TSR1: variants seen among roughly 807,000 people sequenced by gnomAD.
TSR1 encodes the protein TSR1 ribosome maturation factor, also known as pre-rRNA-processing protein TSR1 homolog.
A neutral mutation model predicts 90.9 loss-of-function variants in TSR1; 81 were observed. That is an observed-to-expected ratio of 0.89 (90% CI 0.74 to 1.07). The LOEUF is 1.07. TSR1 is among the 50% of genes least tolerant of loss of function. The probability of loss-of-function intolerance (pLI) is 0.00; values close to 1 mark genes in which losing one functional copy is unlikely to be tolerated. For missense variants in TSR1, 989 were observed against 987.3 expected (o/e 1.00, Z -0.02); for synonymous variants, 362 against 348.8 (o/e 1.04, Z -0.42).
chr17:2,325,452 A>C, intron 11 of TSR1, 32 bp from the exon 12 acceptor site: 1 of 1,564,172 alleles, frequency 6.4e-7, no homozygotes, highest in Non-Finnish European at 8.8e-7. Context: ...GAAAAGCAAA[A>C]CCATTTTGAG....
rs745756874 is a variant in TSR1 at position 2,336,337 on chromosome 17, C to T, written c.91G>A (p.Gly31Ser). The T allele has an allele frequency of 1.2e-6, 2 of 1,614,156 alleles. No homozygotes were observed. Among genetic ancestry groups the T allele is most frequent in the Non-Finnish European group, 1.7e-6 (2 of 1,180,040 alleles). Residue 31 changes from glycine to serine, a missense_variant, in exon 1 of 15, where the codon GGC becomes AGC. Coordinates refer to ENST00000301364, the MANE Select transcript of TSR1 (RefSeq NM_018128.5). ...HRGRGSAQRDGKGRLALKTLS... is the reference protein window; with the variant it reads ...HRGRGSAQRDSKGRLALKTLS... The stretch of plus-strand genomic sequence containing the variant: ...TTCTACGTTATCTCCTTACCCTTGC[C>T]GTCCCGCTGTGCAGATCCCCGACCC...
rs1054799867 is a variant in TSR1 at position 2,322,790 on chromosome 17, A to C, written c.*1406T>G. The C allele has an allele frequency of 1.1e-5, 3 of 282,116 alleles. No homozygotes were observed. Among genetic ancestry groups the C allele is most frequent in the Admixed American group, 4.8e-5 (1 of 20,798 alleles). The allele number at this position is 282,116 out of a possible 1,614,324, so 17.5% of individuals were successfully genotyped here. ...CTCGGCCTCCCAAAGTGCTGGGATT[A>C]CAGGCGTGAGCCACTGCGCCCCACC... On this transcript the variant is annotated 3_prime_UTR_variant, in exon 15 of 15. Transcript: ENST00000301364.
intron 2 of TSR1, 37 bp from the exon 3 acceptor site, chr17:2,335,767 C>CTA: frequency 1.3e-6 from 2 of 1,591,378 alleles, no homozygotes; most frequent in Non-Finnish European, 1.7e-6. Flanking sequence ...ATCTCAGTGT[C>CTA]TCAGTACTTC....
chr17:2,330,008 C>CTA (rs1166203633), intron 10 of TSR1, among the ~76,000 whole-genome samples: 2 of 152,126 alleles, frequency 1.3e-5, no homozygotes, highest in East Asian at 3.9e-4. Context: ...CAACCTCCGC[C>CTA]TACTGGGTTC....
rs1254325721 is a variant in TSR1, at chr17:2,335,927, G to C, written c.201+110C>G. 9.2e-6 allele frequency: 12 copies of C among 1,306,336 alleles called. No homozygotes were observed. The East Asian group carries it at 1.9e-4, about 20-fold the overall frequency. 80.9% of individuals were successfully genotyped at this position (1,306,336 alleles called of 1,614,324 possible). A position where few individuals can be genotyped will look rare whatever the true frequency, so the allele number is the denominator to read the frequency against. On this transcript the variant is annotated intron_variant, in intron 2 of 14. Transcript: ENST00000301364. ...ACCTGCACGCTCGACACGTGCTCTA[G>C]GGCTATGCTCTGTCCCTGGACCCTC...
At chr17:2,335,846 G>A (rs1030346482) in intron 2 of TSR1, 116 bp from the exon 3 acceptor site, 1 of 1,331,876 alleles carries the variant, frequency 7.5e-7, no homozygotes, top group South Asian at 1.3e-5. Flanking sequence ...TCTAGTAAAA[G>A]ACCACAGGTA....
chr17:2,323,858 G>A lies in TSR1; in HGVS notation c.*338C>T, dbSNP rs764369833. On this transcript the variant is annotated 3_prime_UTR_variant, in exon 15 of 15. Coordinates refer to ENST00000301364, the MANE Select transcript of TSR1 (RefSeq NM_018128.5). ...AGGCTGAAAGGCCAGCTTCTTATCA[G>A]TCTGTTTCTGTTTAATTTACAGAAA... is the stretch of plus-strand genomic sequence containing the variant. The A allele has an allele frequency of 6.2e-7, 1 of 1,613,916 alleles. No individual in the cohort carries two copies. Among genetic ancestry groups the A allele is most frequent in the African/African-American group, 1.3e-5 (1 of 74,922 alleles).
intron 7 of TSR1, among the ~76,000 whole-genome samples, chr17:2,332,669 T>C (rs1184079875): frequency 6.6e-6 from 1 of 151,956 alleles, no homozygotes; most frequent in African/African-American, 2.4e-5. Context: ...ACCCCGTCTC[T>C]ACTAAAAATA....
chr17:2,333,347 T>C (rs757688462), intron 6 of TSR1: 49 of 860,670 alleles, frequency 5.7e-5, no homozygotes, highest in Non-Finnish European at 8.7e-5. Flanking sequence ...TATCTGTTCA[T>C]GATAAAACAT....
chr17:2,329,277 C>T (rs2075591922), intron 11 of TSR1, 66 bp downstream of exon 11: 2 of 1,609,010 alleles, frequency 1.2e-6, no homozygotes, highest in African/African-American at 1.3e-5. Context: ...ATTTTGGCAC[C>T]CCTCCACCAC....
At chr17:2,327,810 A>G (rs2075583686) in intron 11 of TSR1, among the ~76,000 whole-genome samples, 1 of 152,230 alleles carries the variant, frequency 6.6e-6, no homozygotes, top group Non-Finnish European at 1.5e-5. Context: ...AAAAAAAATG[A>G]GATCTGGATG....
chr17:2,330,212 C>A (rs1002427752), intron 10 of TSR1: 2 of 515,422 alleles, frequency 3.9e-6, no homozygotes, highest in African/African-American at 1.9e-5. Flanking sequence ...TGAGCCGCCG[C>A]GCCCAGCCAA....
At chr17:2,334,971 C>T in intron 4 of TSR1, 75 bp from the exon 5 acceptor site, 1 of 1,472,606 alleles carries the variant, frequency 6.8e-7, no homozygotes, top group Admixed American at 2.0e-5. Context: ...TCACAAACAA[C>T]CTAATAGCTC....
chr17:2,329,224 G>A, intron 11 of TSR1, 119 bp downstream of exon 11: 4 of 1,478,868 alleles, frequency 2.7e-6, no homozygotes, highest in South Asian at 1.1e-5. Flanking sequence ...CCAGAGTACT[G>A]AAAATACCTC....
In TSR1 at chr17:2,324,345, C is replaced by A; in HGVS notation, c.2266G>T (p.Asp756Tyr). The change falls in exon 15 of 15, where the codon GAT becomes TAT. Residue 756 changes from aspartate (D) to tyrosine (Y), a missense_variant. Coordinates refer to ENST00000301364, the MANE Select transcript of TSR1 (RefSeq NM_018128.5). ...GTGTCTTGAGATTTTAGCTTCCCAT[C>A]AAAGCTGCATTTCATGTGGCCATGG... ...GTHGHMKCSF[D>Y]GKLKSQDTVL... The A allele has an allele frequency of 6.4e-7, 1 of 1,563,536 alleles. No homozygotes were observed. Among genetic ancestry groups the A allele is most frequent in the Non-Finnish European group, 8.6e-7 (1 of 1,158,690 alleles).
chr17:2,323,619 C>T lies in TSR1; in HGVS notation c.*577G>A. 1 of 1,602,230 alleles carries T rather than the reference C, an allele frequency of 6.2e-7. No homozygotes were observed. On this transcript the variant is annotated 3_prime_UTR_variant, in exon 15 of 15. Coordinates refer to ENST00000301364, the MANE Select transcript of TSR1 (RefSeq NM_018128.5). ...TTTATAGGTAAACCAACTAGACTCC[C>T]CTTTCACTAATTCCTACTCCCTTCC...
intron 10 of TSR1, among the ~76,000 whole-genome samples, 178 bp from the exon 11 acceptor site, chr17:2,329,653 G>A (rs780225603): frequency 1.6e-4 from 24 of 152,078 alleles, no homozygotes; most frequent in Non-Finnish European, 3.2e-4. Context: ...CCAATGACTG[G>A]CATTTAAGCC....
chr17:2,328,444 C>T lies in TSR1; in HGVS notation c.1903+899G>A, dbSNP rs572228039. Reference sequence around the variant, plus strand: ...ACTAAAAATACAAAAATTAGCTGGGCATGGTCGTGCATGCCTGTAGTCCCA... The same window carrying T: ...ACTAAAAATACAAAAATTAGCTGGGTATGGTCGTGCATGCCTGTAGTCCCA... On this transcript the variant is annotated intron_variant, in intron 11 of 14. Coordinates refer to ENST00000301364, the MANE Select transcript of TSR1 (RefSeq NM_018128.5). 1.3e-4 allele frequency among the ~76,000 whole-genome samples: 19 copies of T among 151,808 alleles called. No homozygotes were observed. The East Asian group carries it at 3.3e-3, about 26-fold the overall frequency.
rs767465041 is a variant in TSR1 at position 2,323,329 on chromosome 17, C to T, written c.*867G>A. ...CTTGTGGATGATATCTTCACTGTCA[C>T]AGAGGATGAAATTAAGGTGAGGCTC... is the stretch of plus-strand genomic sequence containing the variant. On this transcript the variant is annotated 3_prime_UTR_variant, in exon 15 of 15. Transcript: ENST00000301364. 3 of 1,613,970 alleles carry T rather than the reference C, an allele frequency of 1.9e-6. No homozygotes were observed. The highest frequency in any genetic ancestry group is 2.5e-6 in the Non-Finnish European group (3 of 1,179,898).
Sources: gnomAD v4.1 joint callset for allele counts (sites outside exome capture counted in the v4.1 genomes callset) on GRCh38, gnomAD v4.1.1 for gene constraint, MANE v1.5 for transcripts, NCBI Gene and HGNC (gene_info 2026-07-23, HGNC 2026-07-21) for gene names.